TANGO6: variants seen among roughly 807,000 people sequenced by gnomAD.
TANGO6 encodes transport and Golgi organization protein 6 homolog.
Under a neutral mutation model 114.2 loss-of-function variants are expected in TANGO6, and 90 were observed. The observed-to-expected ratio is 0.79, with a 90% CI of 0.66 to 0.94. The LOEUF (loss-of-function observed/expected upper bound fraction) is 0.94, where lower values mean the gene tolerates loss of function less well. Among genes scored for constraint, TANGO6 ranks in the 40% least tolerant of loss-of-function variants. The probability of loss-of-function intolerance (pLI) is 0.00; values close to 1 mark genes in which losing one functional copy is unlikely to be tolerated. For synonymous variants in TANGO6, 477 were observed against 509.8 expected, an observed-to-expected ratio of 0.94 and a Z score of 0.87; for missense variants, 1,274 against 1,315.3, an observed-to-expected ratio of 0.97 and a Z score of 0.49.
chr16:68,882,862 C>A (rs1035684042), intron 7 of TANGO6, among the ~76,000 whole-genome samples: 1 of 151,706 alleles, frequency 6.6e-6, no homozygotes, highest in African/African-American at 2.4e-5. Flanking sequence ...ACTAAAAATA[C>A]AAAAAATTAG....
chr16:68,863,052 A>G lies in TANGO6; in HGVS notation c.843A>G (p.Gly281=). 1 of 1,569,480 alleles carries G rather than the reference A, an allele frequency of 6.4e-7. No homozygotes were observed. ...GGGAACTGCTTATCCTCCAGGGAGG[A>G]CCACCCCAGGTACTCAGGCCTAGGG... is the stretch of plus-strand genomic sequence containing the variant. ...AVRELLILQG[G]PPQSCTDVKT... Residue 281 remains glycine, a synonymous_variant, in exon 3 of 18, where the codon GGA becomes GGG. Transcript: ENST00000261778.
At chr16:69,013,617 CAAA>C (rs772122523) in intron 15 of TANGO6, among the ~76,000 whole-genome samples, 4 of 70,220 alleles carry the variant, frequency 5.7e-5, no homozygotes, top group African/African-American at 1.6e-4. Flanking sequence ...ACCCTGTCTC[CAAA>C]AAAAAAAAAA....
At chr16:69,071,577 G>T (rs1455970293) in intron 17 of TANGO6, among the ~76,000 whole-genome samples, 4 of 152,170 alleles carry the variant, frequency 2.6e-5, no homozygotes, top group Non-Finnish European at 2.9e-5. Context: ...AAGTGTAAAT[G>T]AATCTACTCA....
Position 68,972,158 on chromosome 16 carries a change from T to C in TANGO6, c.2702-1870T>C, listed in dbSNP as rs916888574. 2.0e-5 allele frequency among the ~76,000 whole-genome samples: 3 copies of C among 151,870 alleles called. No homozygotes were observed. The South Asian group carries it at 6.2e-4, about 32-fold the overall frequency. Reference sequence around the variant, plus strand: ...CCTAAGATGGACTCTGGATTGGAGGTGTGGTTTAGGACCACATGCAGAGGT... The same window carrying C: ...CCTAAGATGGACTCTGGATTGGAGGCGTGGTTTAGGACCACATGCAGAGGT... On this transcript the variant is annotated intron_variant, in intron 14 of 17. Coordinates refer to ENST00000261778, the MANE Select transcript of TANGO6 (RefSeq NM_024562.2).
intron 4 of TANGO6, among the ~76,000 whole-genome samples, 180 bp from the exon 5 acceptor site, chr16:68,874,974 A>G (rs1232445411): frequency 6.6e-6 from 1 of 152,128 alleles, no homozygotes; most frequent in African/African-American, 2.4e-5. Context: ...ATAAATAAAT[A>G]AGAAATAAAA....
chr16:68,987,498 G>A (rs32858), intron 15 of TANGO6, among the ~76,000 whole-genome samples: 107,342 of 151,930 alleles, frequency 0.71, 38,692 homozygotes, highest in African/African-American at 0.87. Flanking sequence ...CCTTCCGAGT[G>A]GCTGGGACTA....
intron 15 of TANGO6, among the ~76,000 whole-genome samples, chr16:68,986,119 A>G (rs1963887469): frequency 6.6e-6 from 1 of 152,226 alleles, no homozygotes; most frequent in South Asian, 2.1e-4. Context: ...AATTATTTTT[A>G]GAGGCAGAAT....
At position 68,928,298 on chromosome 16, in the gene TANGO6, ATTTTTTTTTT is replaced by A. The variant is rs10701295; in HGVS notation, c.2643+230_2643+239del. On this transcript the variant is annotated intron_variant, in intron 13 of 17. Transcript: ENST00000261778. ...TCAAATGAATATGAACTGAGTGCCA[ATTTTTTTTTT>A]TTTTTTTTTTTTTTGAGATGGAATC... 1.9e-4 allele frequency among the ~76,000 whole-genome samples: 19 copies of A among 98,600 alleles called. 1 individual carries two copies. In the South Asian group the frequency reaches 5.9e-3, roughly 31 times the overall value. 64.7% of individuals were successfully genotyped at this position (98,600 alleles called of 152,430 possible). A position where few individuals can be genotyped will look rare whatever the true frequency, so the allele number is the denominator to read the frequency against.
chr16:68,852,242 G>C (rs1385868746), intron 1 of TANGO6, among the ~76,000 whole-genome samples: 1 of 152,034 alleles, frequency 6.6e-6, no homozygotes. Context: ...AACAAAATAA[G>C]TACTTCACAT....
chr16:69,067,937 CAAA>C (rs1217551130), intron 17 of TANGO6, among the ~76,000 whole-genome samples: 23 of 66,560 alleles, frequency 3.5e-4, no homozygotes, highest in Middle Eastern at 9.8e-3. Context: ...AACTCTGTCT[CAAA>C]AAAAAAAAAA....
rs757098739 is a variant in TANGO6 at position 68,967,471 on chromosome 16, G to A, written c.2702-6557G>A. ...CCCGGTAACAGTCTGCAACCTGGGGGTTGGGGACCCCTGTTTTAGAATGTT... is the reference window on the plus strand; with the variant it reads ...CCCGGTAACAGTCTGCAACCTGGGGATTGGGGACCCCTGTTTTAGAATGTT... On this transcript the variant is annotated intron_variant, in intron 14 of 17. Transcript: ENST00000261778. Among the ~76,000 whole-genome samples the A allele has an allele frequency of 7.9e-5, 12 of 152,276 alleles. No individual in the cohort carries two copies. The South Asian group carries it at 8.3e-4, about 11-fold the overall frequency.
At chr16:68,960,321 G>A (rs1013889312) in intron 14 of TANGO6, among the ~76,000 whole-genome samples, 22 of 128,422 alleles carry the variant, frequency 1.7e-4, no homozygotes, top group Admixed American at 6.0e-4. Context: ...TTTTCTGTAC[G>A]TACTCCAGAA....
chr16:69,043,785 C>G (rs1959809779), intron 17 of TANGO6, among the ~76,000 whole-genome samples: 1 of 152,166 alleles, frequency 6.6e-6, no homozygotes, highest in South Asian at 2.1e-4. Flanking sequence ...TGATGAAGTT[C>G]TGTGTTTTTC....
chr16:69,002,219 C>T (rs768933066), intron 15 of TANGO6, among the ~76,000 whole-genome samples: 24 of 151,888 alleles, frequency 1.6e-4, no homozygotes, highest in Non-Finnish European at 2.4e-4. Context: ...AGCAAGAAAA[C>T]GGACAGGAGA....
intron 15 of TANGO6, among the ~76,000 whole-genome samples, chr16:69,019,891 T>G (rs563665710): frequency 6.6e-6 from 1 of 152,312 alleles, no homozygotes; most frequent in African/African-American, 2.4e-5. Flanking sequence ...CTTGTATTCC[T>G]AGAATATTAG....
At chr16:69,052,836 C>T (rs1199863514) in intron 17 of TANGO6, among the ~76,000 whole-genome samples, 2 of 151,782 alleles carry the variant, frequency 1.3e-5, no homozygotes, top group Non-Finnish European at 2.9e-5. Context: ...GTGCCAGGCA[C>T]GGTGGCTCAT....
At chr16:68,984,438 G>T (rs1451026397) in intron 15 of TANGO6, among the ~76,000 whole-genome samples, 2 of 151,550 alleles carry the variant, frequency 1.3e-5, no homozygotes, top group African/African-American at 2.4e-5. Context: ...TCAATTTTTT[G>T]ATGGCTATAA....
At chr16:69,073,301 A>C (rs72789225) in intron 17 of TANGO6, among the ~76,000 whole-genome samples, 4,115 of 152,292 alleles carry the variant, frequency 0.027, 69 homozygotes, top group Non-Finnish European at 0.043. Context: ...GAGTGAAGGC[A>C]CTTTCACAGA....
At chr16:68,961,551 TTG>T (rs1328765742) in intron 14 of TANGO6, among the ~76,000 whole-genome samples, 1 of 152,242 alleles carries the variant, frequency 6.6e-6, no homozygotes, top group East Asian at 1.9e-4. Context: ...GTCTTTGCTG[TTG>T]TGTTTGTATT....
Sources: gnomAD v4.1 joint callset for allele counts (sites outside exome capture counted in the v4.1 genomes callset) on GRCh38, gnomAD v4.1.1 for gene constraint, MANE v1.5 for transcripts, NCBI Gene and HGNC (gene_info 2026-07-23, HGNC 2026-07-21) for gene names.